SNX18: variants seen among roughly 807,000 people sequenced by gnomAD.
SNX18 encodes the protein sorting nexin 18, also known as sorting nexin-18.
A neutral mutation model predicts 48.7 loss-of-function variants in SNX18; 35 were observed. The observed-to-expected ratio is 0.72, with a 90% CI of 0.55 to 0.95. SNX18 has a LOEUF of 0.95. SNX18 is among the 40% of genes least tolerant of loss of function. The pLI is 0.00. For missense variants in SNX18, 824 were observed against 871.0 expected, an observed-to-expected ratio of 0.95 and a Z score of 0.68; for synonymous variants, 492 against 384.7, an observed-to-expected ratio of 1.28 and a Z score of -3.26.
At chr5:54,519,731 G>C in intron 1 of SNX18, 158 bp downstream of exon 1, 2 of 1,614,218 alleles carry the variant, frequency 1.2e-6, no homozygotes, top group Non-Finnish European at 1.7e-6. Context: ...TAGAGTGTAA[G>C]TTGGATTGCT....
At chr5:54,601,782 G>A in the SNX18 span, among the ~76,000 whole-genome samples, 2 of 152,010 alleles carry the variant, frequency 1.3e-5, no homozygotes, top group Admixed American at 6.6e-5. Context: ...GTTGCATCAC[G>A]TGAACTGGGG....
chr5:54,588,730 T>C, the SNX18 span, among the ~76,000 whole-genome samples: 1 of 152,182 alleles, frequency 6.6e-6, no homozygotes, highest in Admixed American at 6.5e-5. Context: ...TGGGTAACAG[T>C]ACTGTCATTT....
At chr5:54,521,574 A>G (rs1276596383) in intron 1 of SNX18, among the ~76,000 whole-genome samples, 1 of 151,462 alleles carries the variant, frequency 6.6e-6, no homozygotes, top group Non-Finnish European at 1.5e-5. Flanking sequence ...GGTGGCTCAT[A>G]CCTATAGTCC....
chr5:54,526,612 G>T (rs971632084), intron 1 of SNX18, among the ~76,000 whole-genome samples: 1 of 152,108 alleles, frequency 6.6e-6, no homozygotes, highest in Non-Finnish European at 1.5e-5. Flanking sequence ...CCCTCTAAAA[G>T]ATAAACTAGA....
the SNX18 span, among the ~76,000 whole-genome samples, chr5:54,615,556 C>A: frequency 6.6e-6 from 1 of 152,230 alleles, no homozygotes; most frequent in Non-Finnish European, 1.5e-5. Context: ...TTTCTCTTAG[C>A]GATATCTTTG....
chr5:54,611,552 G>A, the SNX18 span, among the ~76,000 whole-genome samples: 50 of 152,218 alleles, frequency 3.3e-4, no homozygotes, highest in African/African-American at 1.2e-3. Context: ...TTCCTCTCCA[G>A]GAACAACTTA....
chr5:54,581,288 G>T, the SNX18 span, among the ~76,000 whole-genome samples: 1 of 152,168 alleles, frequency 6.6e-6, no homozygotes, highest in Admixed American at 6.5e-5. Flanking sequence ...TGGTTCCACT[G>T]TGTGGGAAAG....
chr5:54,582,610 C>T, the SNX18 span, among the ~76,000 whole-genome samples: 2 of 151,396 alleles, frequency 1.3e-5, no homozygotes, highest in Non-Finnish European at 2.9e-5. Flanking sequence ...CTAAAAAAAA[C>T]CAAAAAACAA....
the SNX18 span, among the ~76,000 whole-genome samples, chr5:54,615,323 G>T: frequency 1.3e-5 from 2 of 152,178 alleles, no homozygotes; most frequent in Non-Finnish European, 2.9e-5. Flanking sequence ...TCACATGCCT[G>T]TAGTCTACCC....
At chr5:54,611,600 T>G in the SNX18 span, among the ~76,000 whole-genome samples, 1 of 152,190 alleles carries the variant, frequency 6.6e-6, no homozygotes, top group Non-Finnish European at 1.5e-5. Context: ...GGAAATCGTG[T>G]CTACTGATTC....
chr5:54,599,818 C>A, the SNX18 span, among the ~76,000 whole-genome samples: 1 of 152,160 alleles, frequency 6.6e-6, no homozygotes, highest in African/African-American at 2.4e-5. Flanking sequence ...TTCCTCACAC[C>A]TTATACAAAA....
the SNX18 span, among the ~76,000 whole-genome samples, chr5:54,632,095 G>T: frequency 3.3e-5 from 5 of 152,204 alleles, no homozygotes; most frequent in Non-Finnish European, 7.3e-5. Flanking sequence ...GTTGAGGGGT[G>T]CATAGCAGTC....
At chr5:54,623,480 C>T in the SNX18 span, among the ~76,000 whole-genome samples, 1 of 152,068 alleles carries the variant, frequency 6.6e-6, no homozygotes, top group South Asian at 2.1e-4. Context: ...GGCTCTGAAA[C>T]AGGGCAAGGT....
At chr5:54,526,198 G>A (rs1225082286) in intron 1 of SNX18, among the ~76,000 whole-genome samples, 2 of 152,190 alleles carry the variant, frequency 1.3e-5, no homozygotes, top group African/African-American at 4.8e-5. Context: ...TCTGCCTCGC[G>A]AGTTCAAATG....
the SNX18 span, among the ~76,000 whole-genome samples, chr5:54,622,103 C>T: frequency 1.3e-5 from 2 of 152,186 alleles, no homozygotes; most frequent in Non-Finnish European, 2.9e-5. Context: ...TCTGTTTATA[C>T]AAAATGATGC....
the SNX18 span, among the ~76,000 whole-genome samples, chr5:54,558,499 A>G: frequency 2.0e-5 from 3 of 152,186 alleles, no homozygotes; most frequent in Non-Finnish European, 2.9e-5. Context: ...CTGACCATAC[A>G]TTACTATTCA....
the SNX18 span, among the ~76,000 whole-genome samples, chr5:54,642,137 A>G: frequency 6.6e-6 from 1 of 152,202 alleles, no homozygotes; most frequent in Non-Finnish European, 1.5e-5. Flanking sequence ...ACTATCAGGA[A>G]CCATGAAAGG....
intron 1 of SNX18, among the ~76,000 whole-genome samples, chr5:54,525,046 G>T (rs1394509857): frequency 6.6e-6 from 1 of 152,256 alleles, no homozygotes; most frequent in African/African-American, 2.4e-5. Flanking sequence ...GAGCTGGCCT[G>T]TCGGGACCAG....
chr5:54,575,941 G>T, the SNX18 span, among the ~76,000 whole-genome samples: 82 of 152,246 alleles, frequency 5.4e-4, 1 homozygote, highest in African/African-American at 1.8e-3. Context: ...TTGTCTAAAA[G>T]GCATACAAGC....
Sources: allele counts gnomAD v4.1 joint callset (sites outside exome capture counted in the v4.1 genomes callset), GRCh38; gene constraint gnomAD v4.1.1; transcripts MANE v1.5; gene names NCBI Gene and HGNC (gene_info 2026-07-23, HGNC 2026-07-21).